Variants in ULK4 observed in about 807,000 individuals in gnomAD.
The protein encoded by ULK4 is unc-51 like kinase 4.
Under a neutral mutation model 160.6 loss-of-function variants are expected in ULK4, and 133 were observed. The observed-to-expected ratio is 0.83, with a 90% CI of 0.72 to 0.96. ULK4 has a LOEUF of 0.96. Among genes scored for constraint, ULK4 ranks in the 40% least tolerant of loss-of-function variants. The pLI is 0.00. For missense variants in ULK4, 1,580 were observed against 1,499.5 expected, an observed-to-expected ratio of 1.05 and a Z score of -0.89; for synonymous variants, 534 against 539.8, an observed-to-expected ratio of 0.99 and a Z score of 0.15.
intron 32 of ULK4, among the ~76,000 whole-genome samples, chr3:41,499,305 TTGAAA>T (rs887518814): frequency 6.6e-6 from 1 of 152,172 alleles, no homozygotes; most frequent in African/African-American, 2.4e-5. Flanking sequence ...TTTAGCTCTG[TTGAAA>T]TGAAGAGAAG....
intron 35 of ULK4, among the ~76,000 whole-genome samples, chr3:41,392,661 A>T (rs2081980782): frequency 6.6e-6 from 1 of 152,126 alleles, no homozygotes; most frequent in Non-Finnish European, 1.5e-5. Context: ...TTTAAAAGAG[A>T]TGACCCCACC....
intron 35 of ULK4, among the ~76,000 whole-genome samples, chr3:41,392,996 T>C (rs551748908): frequency 3.9e-5 from 6 of 152,170 alleles, no homozygotes; most frequent in African/African-American, 1.2e-4. Context: ...TCCAATCTCA[T>C]GCAGTCTTCA....
intron 34 of ULK4, among the ~76,000 whole-genome samples, chr3:41,427,284 C>CA (rs1190357487): frequency 6.6e-6 from 1 of 151,984 alleles, no homozygotes; most frequent in Non-Finnish European, 1.5e-5. Flanking sequence ...GCCTACCAAA[C>CA]AAAAAAAGCC....
intron 19 of ULK4, among the ~76,000 whole-genome samples, chr3:41,804,132 T>C (rs918900202): frequency 5.3e-5 from 8 of 151,728 alleles, no homozygotes; most frequent in African/African-American, 1.7e-4. Context: ...TTTCTCCACA[T>C]CCTCTCCAGC....
intron 32 of ULK4, among the ~76,000 whole-genome samples, chr3:41,519,942 A>G (rs1018248428): frequency 2.6e-5 from 4 of 152,216 alleles, no homozygotes; most frequent in African/African-American, 9.6e-5. Flanking sequence ...ATGTTGCTCA[A>G]TCAAGCACTA....
At chr3:41,686,728 C>T (rs1254083131) in intron 27 of ULK4, among the ~76,000 whole-genome samples, 3 of 152,058 alleles carry the variant, frequency 2.0e-5, no homozygotes, top group Admixed American at 6.6e-5. Context: ...TAAGAGAGAA[C>T]GGCTCCAAGG....
At chr3:41,375,048 A>C (rs934355670) in intron 35 of ULK4, among the ~76,000 whole-genome samples, 1 of 152,198 alleles carries the variant, frequency 6.6e-6, no homozygotes, top group African/African-American at 2.4e-5. Flanking sequence ...TACAAAGAGA[A>C]TAAAATACCT....
chr3:41,530,888 C>T (rs957646242), intron 32 of ULK4, among the ~76,000 whole-genome samples: 1 of 151,848 alleles, frequency 6.6e-6, no homozygotes, highest in Non-Finnish European at 1.5e-5. Context: ...CTCAGCCTCC[C>T]GAGGAGCTGG....
intron 35 of ULK4, among the ~76,000 whole-genome samples, chr3:41,356,716 T>G (rs964310009): frequency 6.6e-6 from 1 of 152,184 alleles, no homozygotes; most frequent in African/African-American, 2.4e-5. Flanking sequence ...TGGATGTTCT[T>G]CTGGTTAGGA....
At chr3:41,459,602 T>C (rs981221511) in intron 33 of ULK4, among the ~76,000 whole-genome samples, 1 of 152,166 alleles carries the variant, frequency 6.6e-6, no homozygotes, top group Admixed American at 6.5e-5. Context: ...TGAAAACTGC[T>C]ATAATAGAGG....
intron 21 of ULK4, among the ~76,000 whole-genome samples, chr3:41,755,208 A>G (rs989499845): frequency 5.9e-5 from 9 of 152,184 alleles, no homozygotes; most frequent in African/African-American, 1.2e-4. Flanking sequence ...ACAGGAATAT[A>G]TAAGTTCCCA....
intron 17 of ULK4, among the ~76,000 whole-genome samples, chr3:41,858,606 C>A (rs1358330734): frequency 6.6e-6 from 1 of 150,552 alleles, no homozygotes; most frequent in Non-Finnish European, 1.5e-5. Flanking sequence ...AATCCTCCCA[C>A]CTCAGCCTCC....
At chr3:41,926,827 G>A (rs1427999244) in intron 5 of ULK4, among the ~76,000 whole-genome samples, 1 of 150,994 alleles carries the variant, frequency 6.6e-6, no homozygotes, top group Non-Finnish European at 1.5e-5. Context: ...AACAAACAAA[G>A]CCTCCAAGAA....
chr3:41,408,760 G>C (rs2082348329), intron 34 of ULK4, among the ~76,000 whole-genome samples: 3 of 152,134 alleles, frequency 2.0e-5, no homozygotes, highest in African/African-American at 7.2e-5. Flanking sequence ...GCATAAGATA[G>C]ATCTAGAGAC....
intron 22 of ULK4, among the ~76,000 whole-genome samples, chr3:41,725,764 C>T (rs900664690): frequency 3.3e-5 from 5 of 152,076 alleles, no homozygotes; most frequent in African/African-American, 4.8e-5. Context: ...GAGTATTAGA[C>T]TCTATACCTG....
At position 41,253,740 on chromosome 3, in the gene ULK4, G is replaced by A. The variant is rs534451475; in HGVS notation, c.3679-4166C>T. 1.6e-3 allele frequency among the ~76,000 whole-genome samples: 236 copies of A among 152,214 alleles called. 1 individual carries two copies. Among genetic ancestry groups the A allele is most frequent in the Non-Finnish European group, 5.9e-4 (40 of 67,996 alleles). On this transcript the variant is annotated intron_variant, in intron 35 of 36. Coordinates refer to ENST00000301831, the MANE Select transcript of ULK4 (RefSeq NM_017886.4). The stretch of plus-strand genomic sequence containing the variant: ...AATCTCCTGAATGATTTTTAGAAAT[G>A]ATCCAACCATCTATTGTGTGTAAGA...
chr3:41,823,363 G>A (rs993888103), intron 18 of ULK4, among the ~76,000 whole-genome samples: 2 of 152,314 alleles, frequency 1.3e-5, no homozygotes, highest in East Asian at 3.9e-4. Flanking sequence ...GTTCTGAAGA[G>A]CCAGCCCAAA....
chr3:41,740,005 A>C (rs1407745714), intron 22 of ULK4, among the ~76,000 whole-genome samples: 5 of 151,892 alleles, frequency 3.3e-5, no homozygotes, highest in Admixed American at 2.0e-4. Context: ...GGAAGATATA[A>C]AATTTTCTAA....
intron 31 of ULK4, among the ~76,000 whole-genome samples, chr3:41,602,117 G>A (rs1010423086): frequency 1.3e-5 from 2 of 152,042 alleles, no homozygotes; most frequent in African/African-American, 4.8e-5. Flanking sequence ...GATCACTTGA[G>A]CTCAGGAATT....
Sources: allele counts gnomAD v4.1 joint callset (sites outside exome capture counted in the v4.1 genomes callset), GRCh38; gene constraint gnomAD v4.1.1; transcripts MANE v1.5; gene names NCBI Gene and HGNC (gene_info 2026-07-23, HGNC 2026-07-21).